The following CAST variants were observed in gnomAD, a reference collection of about 807,000 sequenced individuals.
CAST encodes calpastatin.
Under a neutral mutation model 119.6 loss-of-function variants are expected in CAST, and 76 were observed. That is an observed-to-expected ratio of 0.64 (90% CI 0.53 to 0.77). The LOEUF is 0.77. CAST is among the 30% of genes least tolerant of loss of function. The probability of loss-of-function intolerance (pLI) is 0.00; values close to 1 mark genes in which losing one functional copy is unlikely to be tolerated. For synonymous variants in CAST, 319 were observed against 331.6 expected (o/e 0.96, Z 0.41); for missense variants, 953 against 946.5 (o/e 1.01, Z -0.09).
chr5:96,079,974 G>A, the CAST span, among the ~76,000 whole-genome samples: 7 of 152,108 alleles, frequency 4.6e-5, no homozygotes, highest in Non-Finnish European at 1.0e-4. Context: ...ACATATTCGT[G>A]CATTTGTGTG....
At chr5:96,368,500 TAAA>T in the CAST span, among the ~76,000 whole-genome samples, 1 of 133,218 alleles carries the variant, frequency 7.5e-6, no homozygotes. Context: ...AAACTCCATC[TAAA>T]AAAAAAAAAA....
At chr5:96,772,565 G>A (rs952969099) in intron 31 of CAST, 75 bp from the exon 32 acceptor site, 1 of 152,648 alleles carries the variant, frequency 6.6e-6, no homozygotes, top group Non-Finnish European at 1.5e-5. Context: ...TTGCTAAGTG[G>A]TATATTTACT....
At chr5:96,094,263 G>C in the CAST span, among the ~76,000 whole-genome samples, 1 of 152,116 alleles carries the variant, frequency 6.6e-6, no homozygotes, top group East Asian at 1.9e-4. Flanking sequence ...CACCCCTTAT[G>C]CCCAGTGAAT....
At chr5:96,557,503 A>G (rs1056767677) in intron 1 of CAST, among the ~76,000 whole-genome samples, 1 of 152,042 alleles carries the variant, frequency 6.6e-6, no homozygotes, top group African/African-American at 2.4e-5. Context: ...AAATAAAGGG[A>G]TGGAGAAAGA....
the CAST span, among the ~76,000 whole-genome samples, chr5:96,021,601 A>G: frequency 1.3e-5 from 2 of 151,734 alleles, no homozygotes; most frequent in African/African-American, 2.4e-5. Flanking sequence ...GCCCGCCACC[A>G]CGCCCAGCTA....
At chr5:96,304,858 T>C in the CAST span, among the ~76,000 whole-genome samples, 7 of 152,208 alleles carry the variant, frequency 4.6e-5, no homozygotes, top group Non-Finnish European at 1.0e-4. Flanking sequence ...TGTAGCCTTG[T>C]AGTATAGTTT....
chr5:96,506,489 C>T, the CAST span, among the ~76,000 whole-genome samples: 2 of 152,116 alleles, frequency 1.3e-5, no homozygotes, highest in African/African-American at 2.4e-5. Context: ...TGTGGAATGA[C>T]ACCAGTGAGG....
chr5:96,311,664 T>C, the CAST span, among the ~76,000 whole-genome samples: 1 of 152,100 alleles, frequency 6.6e-6, no homozygotes, highest in Non-Finnish European at 1.5e-5. Context: ...ATATCCTTCT[T>C]TGTCTCTTTT....
chr5:96,746,283 A>T (rs760764625), intron 16 of CAST, 59 bp from the exon 17 acceptor site: 20 of 923,032 alleles, frequency 2.2e-5, no homozygotes, highest in Non-Finnish European at 3.3e-5. Context: ...AGAGGAAGTG[A>T]TATCATCTCA....
chr5:96,164,388 T>A, the CAST span, among the ~76,000 whole-genome samples: 31 of 152,362 alleles, frequency 2.0e-4, no homozygotes, highest in African/African-American at 6.3e-4. Flanking sequence ...TCCTTTGAGT[T>A]AAAGAGAAGC....
At chr5:96,479,730 G>A in the CAST span, among the ~76,000 whole-genome samples, 1 of 152,064 alleles carries the variant, frequency 6.6e-6, no homozygotes. Flanking sequence ...TTACAGGTGT[G>A]AGCCATGGCA....
At chr5:96,217,180 A>G in the CAST span, among the ~76,000 whole-genome samples, 1 of 146,888 alleles carries the variant, frequency 6.8e-6, no homozygotes, top group African/African-American at 2.5e-5. Context: ...CTGGGACTAC[A>G]GGTATACACC....
the CAST span, among the ~76,000 whole-genome samples, chr5:96,258,172 G>A: frequency 6.6e-6 from 1 of 152,188 alleles, no homozygotes; most frequent in East Asian, 1.9e-4. Flanking sequence ...CCATGACATC[G>A]TAACTTTGGT....
chr5:96,141,991 T>C, the CAST span, among the ~76,000 whole-genome samples: 1 of 152,252 alleles, frequency 6.6e-6, no homozygotes, highest in Admixed American at 6.5e-5. Context: ...CTTCTGTGGT[T>C]ACAAGTTCAT....
the CAST span, among the ~76,000 whole-genome samples, chr5:96,266,463 A>C: frequency 6.6e-6 from 1 of 152,080 alleles, no homozygotes. Context: ...AGCCCTGGAA[A>C]CTCTGCTCTG....
At chr5:96,310,084 G>T in the CAST span, among the ~76,000 whole-genome samples, 3 of 152,186 alleles carry the variant, frequency 2.0e-5, no homozygotes, top group Non-Finnish European at 4.4e-5. Context: ...CATCTTTACT[G>T]TGTTGAATTA....
chr5:96,729,586 G>C, intron 7 of CAST, 26 bp from the exon 8 acceptor site: 1 of 877,558 alleles, frequency 1.1e-6, no homozygotes, highest in Non-Finnish European at 2.0e-6. Context: ...TTATATGTGT[G>C]TGGGCACCTG....
At chr5:96,158,772 T>C in the CAST span, among the ~76,000 whole-genome samples, 3 of 152,204 alleles carry the variant, frequency 2.0e-5, no homozygotes, top group Admixed American at 1.3e-4. Flanking sequence ...AGATTTCCCA[T>C]GAAAAATTGA....
chr5:96,019,455 G>A, the CAST span, among the ~76,000 whole-genome samples: 1 of 152,190 alleles, frequency 6.6e-6, no homozygotes, highest in African/African-American at 2.4e-5. Context: ...GGGGGAGCAA[G>A]GCAAAGGTGA....
Sources: allele counts gnomAD v4.1 joint callset (sites outside exome capture counted in the v4.1 genomes callset), GRCh38; gene constraint gnomAD v4.1.1; transcripts MANE v1.5; gene names NCBI Gene and HGNC (gene_info 2026-07-23, HGNC 2026-07-21).